The following ZNF385D variants were observed in gnomAD, a reference collection of about 807,000 sequenced individuals.
The protein encoded by ZNF385D is zinc finger protein 659.
Under a neutral mutation model 35.8 loss-of-function variants are expected in ZNF385D, and 15 were observed. The ratio of observed to expected loss-of-function variants is 0.42; its 90% CI spans 0.28 to 0.64. The LOEUF (loss-of-function observed/expected upper bound fraction) is 0.64, where lower values mean the gene tolerates loss of function less well. ZNF385D is among the 30% of genes least tolerant of loss of function. The probability of loss-of-function intolerance (pLI) is 0.23; values close to 1 mark genes in which losing one functional copy is unlikely to be tolerated. For synonymous variants in ZNF385D, 212 were observed against 186.8 expected, an observed-to-expected ratio of 1.13 and a Z score of -1.10; for missense variants, 474 against 494.6, an observed-to-expected ratio of 0.96 and a Z score of 0.39.
chr3:21,746,994 G>C (rs2069803069), intron 1 of ZNF385D, among the ~76,000 whole-genome samples: 1 of 150,654 alleles, frequency 6.6e-6, no homozygotes, highest in African/African-American at 2.5e-5. Flanking sequence ...GTCTATTATA[G>C]GCAGGGGAAT....
intron 3 of ZNF385D, among the ~76,000 whole-genome samples, chr3:22,155,616 G>A (rs1705532622): frequency 6.6e-6 from 1 of 151,968 alleles, no homozygotes; most frequent in African/African-American, 2.4e-5. Flanking sequence ...AGCTTATTCT[G>A]ACACTTTCCT....
intron 2 of ZNF385D, among the ~76,000 whole-genome samples, chr3:22,293,556 T>C (rs778049313): frequency 2.0e-5 from 3 of 152,114 alleles, no homozygotes; most frequent in Non-Finnish European, 4.4e-5. Context: ...CTAGGCCCAG[T>C]ATAAGCTAGG....
chr3:22,174,301 T>G, intron 2 of ZNF385D, among the ~76,000 whole-genome samples: 1 of 152,174 alleles, frequency 6.6e-6, no homozygotes, highest in East Asian at 1.9e-4. Context: ...GTCACTGTTC[T>G]TGCATCTGAT....
intron 3 of ZNF385D, among the ~76,000 whole-genome samples, chr3:22,149,862 T>G (rs1304207240): frequency 6.6e-6 from 1 of 152,154 alleles, no homozygotes. Context: ...ATGTTATCAG[T>G]GCTAAGTATC....
chr3:21,622,710 GATT>G (rs2065039845), intron 2 of ZNF385D, among the ~76,000 whole-genome samples: 1 of 151,992 alleles, frequency 6.6e-6, no homozygotes, highest in African/African-American at 2.4e-5. Context: ...TATTGGTAAT[GATT>G]ATTATTTAGC....
chr3:22,227,916 CT>C (rs367628819), intron 2 of ZNF385D, among the ~76,000 whole-genome samples: 35 of 152,318 alleles, frequency 2.3e-4, no homozygotes, highest in African/African-American at 7.9e-4. Flanking sequence ...AGTACCTCTG[CT>C]GGTGCTGTAC....
At chr3:21,523,001 A>C (rs969865003) in intron 3 of ZNF385D, among the ~76,000 whole-genome samples, 1 of 152,070 alleles carries the variant, frequency 6.6e-6, no homozygotes, top group African/African-American at 2.4e-5. Flanking sequence ...TTCTTGGAGG[A>C]AGAGTTTAGT....
chr3:22,227,699 A>T (rs1390279080), intron 2 of ZNF385D, among the ~76,000 whole-genome samples: 1 of 152,130 alleles, frequency 6.6e-6, no homozygotes, highest in African/African-American at 2.4e-5. Context: ...TCATGATACC[A>T]TTGCCATGGC....
At chr3:22,343,441 G>A (rs949547869) in intron 2 of ZNF385D, among the ~76,000 whole-genome samples, 1 of 152,216 alleles carries the variant, frequency 6.6e-6, no homozygotes, top group African/African-American at 2.4e-5. Flanking sequence ...CTTTGGAACT[G>A]GAGGGATACA....
At chr3:22,014,768 T>C (rs1696781571) in intron 3 of ZNF385D, among the ~76,000 whole-genome samples, 1 of 152,054 alleles carries the variant, frequency 6.6e-6, no homozygotes, top group African/African-American at 2.4e-5. Context: ...AATAATGAAA[T>C]TTCTATGTAA....
At chr3:21,792,647 G>A (rs190112889) in intron 3 of ZNF385D, among the ~76,000 whole-genome samples, 211 of 152,180 alleles carry the variant, frequency 1.4e-3, no homozygotes, top group African/African-American at 4.2e-3. Context: ...TGTCCAGGGG[G>A]CCATGCAGGA....
Position 21,666,563 on chromosome 3 carries a change from C to T in ZNF385D, c.23-1535G>A, listed in dbSNP as rs1046362618. On this transcript the variant is annotated intron_variant, in intron 1 of 7. Coordinates refer to ENST00000281523, the MANE Select transcript of ZNF385D (RefSeq NM_024697.3). ...ATGTCAAAACAAGTAGAGATAACAA[C>T]GAAATATAATAAGTCTACATTCACC... is the stretch of plus-strand genomic sequence containing the variant. 5.3e-5 allele frequency among the ~76,000 whole-genome samples: 8 copies of T among 152,044 alleles called. No homozygotes were observed. The East Asian group carries it at 5.8e-4, about 11-fold the overall frequency.
At chr3:22,284,789 G>C (rs1017444260) in intron 2 of ZNF385D, among the ~76,000 whole-genome samples, 2 of 152,070 alleles carry the variant, frequency 1.3e-5, no homozygotes, top group Admixed American at 6.6e-5. Context: ...CATAATTTAA[G>C]AATGTCAGGA....
chr3:21,596,641 T>G lies in ZNF385D; in HGVS notation c.166-31957A>C, dbSNP rs1445663958. 9.6e-5 allele frequency among the ~76,000 whole-genome samples: 6 copies of G among 62,364 alleles called. No individual in the cohort carries two copies. The East Asian group carries it at 1.2e-3, about 12-fold the overall frequency. 40.9% of individuals were successfully genotyped at this position (62,364 alleles called of 152,430 possible). On this transcript the variant is annotated intron_variant, in intron 2 of 7. Coordinates refer to ENST00000281523, the MANE Select transcript of ZNF385D (RefSeq NM_024697.3). ...GACTACAGGCAACATCATGCTTGAC[T>G]TTTTTTTTTTTTTTTTGGTACAGTT...
chr3:21,739,529 A>C (rs796472123), intron 1 of ZNF385D, among the ~76,000 whole-genome samples: 47 of 152,326 alleles, frequency 3.1e-4, no homozygotes, highest in African/African-American at 1.1e-3. Flanking sequence ...ATGAGGGGCC[A>C]GATCAGAATG....
chr3:22,269,925 T>C lies in ZNF385D; in HGVS notation c.107-100890A>G, dbSNP rs1559489982. ...AATCCGCTATTTTATCCTGTGCTGA[T>C]AGCTTTCCTAAACTTTCTCCAGTGC... On this transcript the variant is annotated intron_variant, in intron 2 of 5. Transcript: ENST00000494108. 2.0e-5 allele frequency among the ~76,000 whole-genome samples: 3 copies of C among 151,968 alleles called. No homozygotes were observed. In the East Asian group the frequency reaches 5.9e-4, roughly 30 times the overall value.
chr3:21,795,791 T>C (rs2072122940), intron 3 of ZNF385D, among the ~76,000 whole-genome samples: 2 of 152,232 alleles, frequency 1.3e-5, no homozygotes, highest in Admixed American at 6.5e-5. Flanking sequence ...CTTCAGATTA[T>C]AGGCACTCAG....
chr3:21,874,912 A>T (rs915632797), intron 3 of ZNF385D, among the ~76,000 whole-genome samples: 2 of 152,036 alleles, frequency 1.3e-5, no homozygotes, highest in African/African-American at 4.8e-5. Flanking sequence ...CTTTTAGCAA[A>T]GCTTTATAGT....
At chr3:21,675,366 C>A (rs1248051133) in intron 1 of ZNF385D, among the ~76,000 whole-genome samples, 1 of 152,028 alleles carries the variant, frequency 6.6e-6, no homozygotes, top group Admixed American at 6.6e-5. Flanking sequence ...ATTTCTGCTT[C>A]CATACACTGG....
Sources: allele counts gnomAD v4.1 joint callset (sites outside exome capture counted in the v4.1 genomes callset), GRCh38; gene constraint gnomAD v4.1.1; transcripts MANE v1.5; gene names NCBI Gene and HGNC (gene_info 2026-07-23, HGNC 2026-07-21).